Variants in UBE2D2 observed in about 807,000 individuals in gnomAD.
UBE2D2 encodes the protein ubiquitin conjugating enzyme E2 D2.
UBE2D2 carries 2 observed loss-of-function variants against 24.2 expected under a neutral mutation model. The observed-to-expected ratio is 0.08, with a 90% CI of 0.03 to 0.26. UBE2D2 has a LOEUF of 0.26. UBE2D2 is among the 10% of genes least tolerant of loss of function. The probability of loss-of-function intolerance (pLI) is 1.00; values close to 1 mark genes in which losing one functional copy is unlikely to be tolerated. For synonymous variants in UBE2D2, 58 were observed against 56.5 expected, an observed-to-expected ratio of 1.03 and a Z score of -0.12; for missense variants, 44 against 177.6, an observed-to-expected ratio of 0.25 and a Z score of 4.28.
At chr5:139,528,045 A>G (rs1046825442) in intron 1 of UBE2D2, among the ~76,000 whole-genome samples, 1 of 152,232 alleles carries the variant, frequency 6.6e-6, no homozygotes, top group Non-Finnish European at 1.5e-5. Context: ...TATATCCCAA[A>G]GTCTCTGCGG....
chr5:139,539,176 C>G (rs557934183), intron 1 of UBE2D2, among the ~76,000 whole-genome samples: 2 of 151,880 alleles, frequency 1.3e-5, no homozygotes, highest in African/African-American at 4.8e-5. Context: ...AGGCGCCCAC[C>G]ACCACGACCA....
At chr5:139,623,837 G>T (rs944385633) in intron 6 of UBE2D2, among the ~76,000 whole-genome samples, 4 of 152,018 alleles carry the variant, frequency 2.6e-5, no homozygotes, top group Non-Finnish European at 5.9e-5. Flanking sequence ...GATTACAGGC[G>T]CAGGCCACCA....
chr5:139,604,458 CAG>C (rs1754153463), intron 2 of UBE2D2, among the ~76,000 whole-genome samples: 1 of 151,966 alleles, frequency 6.6e-6, no homozygotes, highest in Admixed American at 6.6e-5. Flanking sequence ...TCCTATAACT[CAG>C]TATAAAAATA....
chr5:139,622,501 C>T (rs1364673974), intron 5 of UBE2D2, among the ~76,000 whole-genome samples: 1 of 151,220 alleles, frequency 6.6e-6, no homozygotes, highest in Non-Finnish European at 1.5e-5. Flanking sequence ...CCTCCGCCTC[C>T]CAAAGTGCTG....
At chr5:139,562,102 C>A in intron 1 of UBE2D2, 1 of 978,814 alleles carries the variant, frequency 1.0e-6, no homozygotes, top group Non-Finnish European at 1.4e-6. Context: ...TCTGGGACTG[C>A]CGCTGCACTT....
In UBE2D2 at chr5:139,561,746, C is replaced by A; in HGVS notation, c.-46C>A. 2 of 1,423,108 alleles carry A rather than the reference C, an allele frequency of 1.4e-6. No individual in the cohort carries two copies. Among genetic ancestry groups the A allele is most frequent in the Non-Finnish European group, 1.9e-6 (2 of 1,070,802 alleles). 88.2% of individuals were successfully genotyped at this position (1,423,108 alleles called of 1,614,324 possible). On this transcript the variant is annotated 5_prime_UTR_variant, in exon 1 of 7. Transcript: ENST00000398733. Reference sequence around the variant, plus strand: ...CCCTAGCCCCTTCCCCGTCCCTTCCCCGCCCCCGTCCCCGCCCCGGGGGCC... The same window carrying A: ...CCCTAGCCCCTTCCCCGTCCCTTCCACGCCCCCGTCCCCGCCCCGGGGGCC...
At chr5:139,529,796 C>A (rs1254065833) in intron 1 of UBE2D2, among the ~76,000 whole-genome samples, 1 of 152,180 alleles carries the variant, frequency 6.6e-6, no homozygotes, top group African/African-American at 2.4e-5. Context: ...TCATGATGAA[C>A]TAAATGTGCC....
Position 139,581,489 on chromosome 5 carries a change from G to A in UBE2D2, c.25-18883G>A, listed in dbSNP as rs114126948. ...AGGTTGAGCATTCCTTATCCAAAAT[G>A]CTTAGGACGCTAAGTGTTTCAGATT... On this transcript the variant is annotated intron_variant, in intron 1 of 6. Transcript: ENST00000398733. Among the ~76,000 whole-genome samples, 1,177 of 152,062 alleles carry A rather than the reference G, an allele frequency of 7.7e-3. 8 individuals carry two copies. The highest frequency in any genetic ancestry group is 0.041 in the Middle Eastern group (12 of 294).
At chr5:139,575,622 A>G (rs1753453643) in intron 1 of UBE2D2, among the ~76,000 whole-genome samples, 1 of 152,208 alleles carries the variant, frequency 6.6e-6, no homozygotes, top group African/African-American at 2.4e-5. Context: ...CTTATTATAG[A>G]AGTGTCTGCT....
chr5:139,624,857 A>T (rs1754581696), intron 6 of UBE2D2, among the ~76,000 whole-genome samples: 1 of 152,206 alleles, frequency 6.6e-6, no homozygotes. Context: ...GGAATGGGAT[A>T]TTCTAACAGT....
intron 1 of UBE2D2, among the ~76,000 whole-genome samples, chr5:139,598,739 T>G (rs1754009200): frequency 6.6e-6 from 1 of 151,150 alleles, no homozygotes; most frequent in Admixed American, 6.6e-5. Context: ...TTTGTGTTTT[T>G]TTAGTACAGA....
rs546466032 is a variant in UBE2D2 at position 139,571,080 on chromosome 5, C to T, written c.24+9265C>T. On this transcript the variant is annotated intron_variant, in intron 1 of 6. Transcript: ENST00000398733. ...TTCTGCAGAGAAAATATAAATCTTA[C>T]GTGTGAGTTGTTAGGGATTTCCTTC... 4.6e-5 allele frequency among the ~76,000 whole-genome samples: 7 copies of T among 152,202 alleles called. No homozygotes were observed. The East Asian group carries it at 1.2e-3, about 25-fold the overall frequency.
chr5:139,565,148 GGTTCTGATAA>G (rs1753190858), intron 1 of UBE2D2, among the ~76,000 whole-genome samples: 1 of 151,998 alleles, frequency 6.6e-6, no homozygotes, highest in Non-Finnish European at 1.5e-5. Context: ...GCTACATCTG[GGTTCTGATAA>G]GATTTTTCTA....
At chr5:139,557,927 G>A (rs973021856), upstream of UBE2D2, among the ~76,000 whole-genome samples, 1 of 151,852 alleles carries the variant, frequency 6.6e-6, no homozygotes, top group Admixed American at 6.6e-5. Flanking sequence ...AAAAGATCCT[G>A]TTTCTACAAA....
Position 139,626,795 on chromosome 5 carries a change from G to A in UBE2D2, c.438G>A (p.Ala146=), listed in dbSNP as rs754925974. ...RIAREWTQKY[A]M is the part of the protein sequence containing the mutation. ...CTCGGGAATGGACTCAGAAGTATGC[G>A]ATGTAATTAAAGAAATTATTGGATA... The change falls in exon 7 of 7, where the codon GCG becomes GCA. Residue 146 remains alanine, a synonymous_variant. Coordinates refer to ENST00000398733, the MANE Select transcript of UBE2D2 (RefSeq NM_003339.3). 19 of 1,612,920 alleles carry A rather than the reference G, an allele frequency of 1.2e-5. No individual in the cohort carries two copies. Among genetic ancestry groups the A allele is most frequent in the Non-Finnish European group, 1.4e-5 (17 of 1,179,480 alleles).
chr5:139,552,411 A>C (rs1752931346), intron 1 of UBE2D2, among the ~76,000 whole-genome samples: 1 of 151,664 alleles, frequency 6.6e-6, no homozygotes, highest in East Asian at 1.9e-4. Context: ...CAGGTGATCC[A>C]CCTGCCTCGG....
chr5:139,577,589 T>G (rs986207775), intron 1 of UBE2D2, among the ~76,000 whole-genome samples: 1 of 151,972 alleles, frequency 6.6e-6, no homozygotes, highest in Non-Finnish European at 1.5e-5. Context: ...AATTATTGTA[T>G]TTTTAGTAAA....
At chr5:139,609,290 C>T (rs1341373885) in intron 2 of UBE2D2, among the ~76,000 whole-genome samples, 1 of 152,012 alleles carries the variant, frequency 6.6e-6, no homozygotes, top group Non-Finnish European at 1.5e-5. Context: ...CACCTATAAT[C>T]CCAGCACTTT....
At chr5:139,604,606 C>T (rs1754157034) in intron 2 of UBE2D2, among the ~76,000 whole-genome samples, 1 of 152,122 alleles carries the variant, frequency 6.6e-6, no homozygotes, top group Admixed American at 6.6e-5. Flanking sequence ...GAAGAAGAGC[C>T]AGGCACAGTG....
Sources: gnomAD v4.1 joint callset for allele counts (sites outside exome capture counted in the v4.1 genomes callset) on GRCh38, gnomAD v4.1.1 for gene constraint, MANE v1.5 for transcripts, NCBI Gene and HGNC (gene_info 2026-07-23, HGNC 2026-07-21) for gene names.